The following JRKL variants were observed in gnomAD, a reference collection of about 807,000 sequenced individuals.
JRKL encodes the protein JRK like.
In JRKL, 25 loss-of-function variants were observed where a neutral mutation model predicts 34.7. The ratio of observed to expected loss-of-function variants is 0.72; its 90% CI spans 0.53 to 1.01. JRKL has a LOEUF of 1.01. Among genes scored for constraint, JRKL ranks in the 50% least tolerant of loss-of-function variants. JRKL has a pLI of 0.00. For missense variants in JRKL, 495 were observed against 615.7 expected (o/e 0.80, Z 2.07); for synonymous variants, 204 against 212.8 (o/e 0.96, Z 0.36).
chr11:96,392,506 C>A lies in JRKL; in HGVS notation c.*282C>A. 1 of 255,602 alleles carries A rather than the reference C, an allele frequency of 3.9e-6. No individual in the cohort carries two copies. Among genetic ancestry groups the A allele is most frequent in the Non-Finnish European group, 7.9e-6 (1 of 127,104 alleles). The allele number at this position is 255,602 out of a possible 1,614,324, so 15.8% of individuals were successfully genotyped here. A position where few individuals can be genotyped will look rare whatever the true frequency, so the allele number is the denominator to read the frequency against. ...TTATACCTTCTGTAACAGTGGCATTCCCTTAATTTTCTAGTGAAAGTTAGA... is the reference window on the plus strand; with the variant it reads ...TTATACCTTCTGTAACAGTGGCATTACCTTAATTTTCTAGTGAAAGTTAGA... On this transcript the variant is annotated 3_prime_UTR_variant, in exon 2 of 2. Coordinates refer to ENST00000332349, the MANE Select transcript of JRKL (RefSeq NM_001261833.2).
rs761418962 is a variant in JRKL, at chr11:96,390,632, G to A, written c.-18G>A. The A allele has an allele frequency of 3.9e-6, 6 of 1,553,194 alleles. No homozygotes were observed. In the Admixed American group the frequency reaches 8.4e-5, roughly 22 times the overall value. ...GATTGCTACATTGTGAGTGTGGGGT[G>A]AGTCCCAGAACCTCGCTATGTCAGG... On this transcript the variant is annotated 5_prime_UTR_variant, in exon 2 of 2. Coordinates refer to ENST00000332349, the MANE Select transcript of JRKL (RefSeq NM_001261833.2).
chr11:96,392,494 A>T lies in JRKL; in HGVS notation c.*270A>T, dbSNP rs1340389555. On this transcript the variant is annotated 3_prime_UTR_variant, in exon 2 of 2. Coordinates refer to ENST00000332349, the MANE Select transcript of JRKL (RefSeq NM_001261833.2). ...TAGAATCTGCAATTATACCTTCTGTAACAGTGGCATTCCCTTAATTTTCTA... is the reference window on the plus strand; with the variant it reads ...TAGAATCTGCAATTATACCTTCTGTTACAGTGGCATTCCCTTAATTTTCTA... The T allele has an allele frequency of 3.5e-6, 1 of 286,444 alleles. No homozygotes were observed. The highest frequency in any genetic ancestry group is 6.8e-6 in the Non-Finnish European group (1 of 147,746). 17.7% of individuals were successfully genotyped at this position (286,444 alleles called of 1,614,324 possible).
rs959055970 is a variant in JRKL at position 96,390,429 on chromosome 11, G to C, written c.-167-54G>C. 6.4e-6 allele frequency: 3 copies of C among 470,432 alleles called. No homozygotes were observed. The Admixed American group carries it at 1.2e-4, about 18-fold the overall frequency. 29.1% of individuals were successfully genotyped at this position (470,432 alleles called of 1,614,324 possible). ...GGGGCCTCCGCTACTGCCCGTATAAGTTAAAGAAAGGCCTGTTCTCTCAAA... is the reference window on the plus strand; with the variant it reads ...GGGGCCTCCGCTACTGCCCGTATAACTTAAAGAAAGGCCTGTTCTCTCAAA... On this transcript the variant is annotated intron_variant, in intron 1 of 1. Transcript: ENST00000332349.
chr11:96,393,362 G>A lies in JRKL; in HGVS notation c.*1138G>A, dbSNP rs974889491. The A allele has an allele frequency of 1.8e-5, 3 of 166,780 alleles. No individual in the cohort carries two copies. Among genetic ancestry groups the A allele is most frequent in the African/African-American group, 7.2e-5 (3 of 41,398 alleles). 10.3% of individuals were successfully genotyped at this position (166,780 alleles called of 1,614,324 possible). ...TATTATTTTAATACATATAAAAAGGGATTAATCTGCTAAAATGTAATCTAA... is the reference window on the plus strand; with the variant it reads ...TATTATTTTAATACATATAAAAAGGAATTAATCTGCTAAAATGTAATCTAA... On this transcript the variant is annotated 3_prime_UTR_variant, in exon 2 of 2. Coordinates refer to ENST00000332349, the MANE Select transcript of JRKL (RefSeq NM_001261833.2).
rs1866568497 is a variant in JRKL, at chr11:96,393,041, G to A, written c.*817G>A. On this transcript the variant is annotated 3_prime_UTR_variant, in exon 2 of 2. Coordinates refer to ENST00000332349, the MANE Select transcript of JRKL (RefSeq NM_001261833.2). ...TATTATTTATTCATCTAATTTTATA[G>A]TACAGGTTTTGTAATGTTACATGTG... 6.0e-6 allele frequency: 1 copy of A among 165,502 alleles called. No homozygotes were observed. Among genetic ancestry groups the A allele is most frequent in the Admixed American group, 6.6e-5 (1 of 15,190 alleles). The allele number at this position is 165,502 out of a possible 1,614,324, so 10.3% of individuals were successfully genotyped here. A position where few individuals can be genotyped will look rare whatever the true frequency, so the allele number is the denominator to read the frequency against.
rs564343449 is a variant in JRKL, at chr11:96,392,487, C to T, written c.*263C>T. The T allele has an allele frequency of 6.5e-6, 2 of 307,332 alleles. No individual in the cohort carries two copies. Among genetic ancestry groups the T allele is most frequent in the East Asian group, 6.4e-5 (1 of 15,660 alleles). 19.0% of individuals were successfully genotyped at this position (307,332 alleles called of 1,614,324 possible). On this transcript the variant is annotated 3_prime_UTR_variant, in exon 2 of 2. Transcript: ENST00000332349. The stretch of plus-strand genomic sequence containing the variant: ...CACTTTTTAGAATCTGCAATTATAC[C>T]TTCTGTAACAGTGGCATTCCCTTAA...
Position 96,392,202 on chromosome 11 carries a change from A to T in JRKL, c.1553A>T (p.Lys518Met), listed in dbSNP as rs781553218. 3 of 1,586,032 alleles carry T rather than the reference A, an allele frequency of 1.9e-6. No homozygotes were observed. The Admixed American group carries it at 5.5e-5, about 29-fold the overall frequency. The change falls in exon 2 of 2, where the codon AAG (lysine) becomes ATG (methionine). Residue 518 changes from lysine (K) to methionine (M), a missense_variant. Physicochemically the swap from Lys to Met is moderately conservative, Grantham distance 95. Coordinates refer to ENST00000332349, the MANE Select transcript of JRKL (RefSeq NM_001261833.2). ...KLRATIRNKQKMTKSSQ is the reference protein window; with the variant it reads ...KLRATIRNKQMMTKSSQ ...CGAGCCACCATCAGAAATAAACAGA[A>T]GATGACAAAGTCAAGTCAATAATGT... is the stretch of plus-strand genomic sequence containing the variant.
At position 96,391,756 on chromosome 11, in the gene JRKL, A is replaced by C; in HGVS notation, c.1107A>C (p.Ile369=). The C allele has an allele frequency of 6.2e-7, 1 of 1,614,210 alleles. No homozygotes were observed. Among genetic ancestry groups the C allele is most frequent in the Non-Finnish European group, 8.5e-7 (1 of 1,180,026 alleles). The change falls in exon 2 of 2, where the codon ATA becomes ATC. Residue 369 remains isoleucine (I), a synonymous_variant. Coordinates refer to ENST00000332349, the MANE Select transcript of JRKL (RefSeq NM_001261833.2). ...CTCTGTTGGATGCACTTTATGAAAT[A>C]GCAATGGCATGGAACTTAGTAAAAC... ...KLTLLDALYE[I]AMAWNLVKPV...
rs890386780 is a variant in JRKL at position 96,390,837 on chromosome 11, G to A, written c.188G>A (p.Ser63Asn). The change falls in exon 2 of 2, where the codon AGT becomes AAT. Residue 63 changes from serine (S) to asparagine (N), a missense_variant. Ser to Asn is a conservative substitution (Grantham distance 46). Transcript: ENST00000332349. ...ITYASSSDST[S>N]LLAKRKSMKP... is the part of the protein sequence containing the mutation. ...TATGCAAGCAGTTCTGATTCCACAA[G>A]TCTTTTGGCCAAGAGGAAATCTATG... The A allele has an allele frequency of 2.5e-6, 4 of 1,613,324 alleles. No homozygotes were observed. The highest frequency in any genetic ancestry group is 3.4e-6 in the Non-Finnish European group (4 of 1,179,882).
Position 96,391,641 on chromosome 11 carries a change from T to C in JRKL, c.992T>C (p.Ile331Thr), listed in dbSNP as rs755375539. 1.9e-6 allele frequency: 3 copies of C among 1,614,014 alleles called. No individual in the cohort carries two copies. Among genetic ancestry groups the C allele is most frequent in the Non-Finnish European group, 8.5e-7 (1 of 1,179,996 alleles). Reference protein sequence around the residue: ...SLIQPSDQGVIATMKRNYRAG... With the variant: ...SLIQPSDQGVTATMKRNYRAG... ...ATTCAGCCTTCAGATCAGGGAGTCA[T>C]AGCAACGATGAAGAGAAATTATCGT... is the stretch of plus-strand genomic sequence containing the variant. Residue 331 changes from isoleucine (I) to threonine (T), a missense_variant, in exon 2 of 2, where the codon ATA becomes ACA. Ile to Thr is a moderately conservative substitution (Grantham distance 89). Transcript: ENST00000332349.
In JRKL at chr11:96,391,734, T is replaced by G; in HGVS notation, c.1085T>G (p.Leu362Arg). The G allele has an allele frequency of 6.2e-7, 1 of 1,614,180 alleles. No homozygotes were observed. The highest frequency in any genetic ancestry group is 1.1e-5 in the South Asian group (1 of 91,088). Reference sequence around the variant, plus strand: ...AAATCATTCTGGAAGAAGCTAACTCTGTTGGATGCACTTTATGAAATAGCA... The same window carrying G: ...AAATCATTCTGGAAGAAGCTAACTCGGTTGGATGCACTTTATGAAATAGCA... ...DLKSFWKKLT[L>R]LDALYEIAMA... The change falls in exon 2 of 2, where the codon CTG (leucine) becomes CGG (arginine). Residue 362 changes from leucine to arginine, a missense_variant. Leu to Arg is a moderately radical substitution (Grantham distance 102). Transcript: ENST00000332349.
rs749401861 is a variant in JRKL at position 96,391,849 on chromosome 11, T to G, written c.1200T>G (p.Phe400Leu). Residue 400 changes from phenylalanine to leucine, a missense_variant, in exon 2 of 2, where the codon TTT becomes TTG. Coordinates refer to ENST00000332349, the MANE Select transcript of JRKL (RefSeq NM_001261833.2). ...TAGAGGAGAAAGAGAGCCTGGACTT[T>G]GATGTTGAAGATATTTCTGTGGCTA... ...PMVEEKESLD[F>L]DVEDISVATV... 1 of 1,614,184 alleles carries G rather than the reference T, an allele frequency of 6.2e-7. No homozygotes were observed. Among genetic ancestry groups the G allele is most frequent in the Non-Finnish European group, 8.5e-7 (1 of 1,180,032 alleles).
rs1866552817 is a variant in JRKL, at chr11:96,391,977, T to G, written c.1328T>G (p.Val443Gly). The G allele has an allele frequency of 3.1e-6, 5 of 1,613,914 alleles. No individual in the cohort carries two copies. Among genetic ancestry groups the G allele is most frequent in the African/African-American group, 1.3e-5 (1 of 74,900 alleles). The part of the protein sequence containing the change: ...EVDSTEPGYE[V>G]LTDSEIIRRA... ...GACAGTACTGAACCAGGCTATGAAG[T>G]GTTAACTGATAGCGAAATCATCAGA... is the stretch of plus-strand genomic sequence containing the variant. The change falls in exon 2 of 2, where the codon GTG (valine) becomes GGG (glycine). Residue 443 changes from valine to glycine, a missense_variant. By Grantham distance (109) the Val-to-Gly change is moderately radical (BLOSUM62 -3). Transcript: ENST00000332349.
chr11:96,390,710 A>C lies in JRKL; in HGVS notation c.61A>C (p.Lys21Gln). 1 of 1,607,038 alleles carries C rather than the reference A, an allele frequency of 6.2e-7. No individual in the cohort carries two copies. The highest frequency in any genetic ancestry group is 8.5e-7 in the Non-Finnish European group (1 of 1,178,192). The stretch of plus-strand genomic sequence containing the variant: ...TAAAGATAAGCTTGATATAATAAAG[A>C]AACTTGAAGACGGAGGTTCTTCCAA... ...TIKDKLDIIK[K>Q]LEDGGSSKQL... The change falls in exon 2 of 2, where the codon AAA becomes CAA. Residue 21 changes from lysine (K) to glutamine (Q), a missense_variant. Transcript: ENST00000332349.
In JRKL at chr11:96,391,832, A is replaced by G. The variant is rs1242475309; in HGVS notation, c.1183A>G (p.Lys395Glu). Reference sequence around the variant, plus strand: ...GAAGATTCTCCCTATGGTAGAGGAGAAAGAGAGCCTGGACTTTGATGTTGA... The same window carrying G: ...GAAGATTCTCCCTATGGTAGAGGAGGAAGAGAGCCTGGACTTTGATGTTGA... ...WKKILPMVEE[K>E]ESLDFDVEDI... The change falls in exon 2 of 2, where the codon AAA becomes GAA. Residue 395 changes from lysine (K) to glutamate (E), a missense_variant. Lys to Glu is a moderately conservative substitution (Grantham distance 56). Coordinates refer to ENST00000332349, the MANE Select transcript of JRKL (RefSeq NM_001261833.2). 6.2e-7 allele frequency: 1 copy of G among 1,614,172 alleles called. No individual in the cohort carries two copies. Among genetic ancestry groups the G allele is most frequent in the Admixed American group, 1.7e-5 (1 of 60,024 alleles).
Position 96,390,937 on chromosome 11 carries a change from C to T in JRKL, c.288C>T (p.Pro96=), listed in dbSNP as rs1866515346. The change falls in exon 2 of 2, where the codon CCC becomes CCT. Residue 96 remains proline, a synonymous_variant. Transcript: ENST00000332349. ...ACCAGCAAAGAGCAAAAGGGAATCC[C>T]ATATCTGGACCAATTTGTGCAAAAA... ...WFNQQRAKGN[P]ISGPICAKRA... is the part of the protein sequence containing the mutation. The T allele has an allele frequency of 6.2e-7, 1 of 1,614,174 alleles. No homozygotes were observed. The highest frequency in any genetic ancestry group is 1.3e-5 in the African/African-American group (1 of 75,034).
chr11:96,391,021 T>C lies in JRKL; in HGVS notation c.372T>C (p.Gly124=). The stretch of plus-strand genomic sequence containing the variant: ...ATGGTGATTTTAACCCCTCTGCCGG[T>C]TGGCTAACTCGTTTTAAGCAGCGGC... ...GMDGDFNPSA[G]WLTRFKQRHS... Residue 124 remains glycine, a synonymous_variant, in exon 2 of 2, where the codon GGT becomes GGC. Transcript: ENST00000332349. The C allele has an allele frequency of 6.2e-7, 1 of 1,614,234 alleles. No homozygotes were observed. Among genetic ancestry groups the C allele is most frequent in the East Asian group, 2.2e-5 (1 of 44,888 alleles).
chr11:96,391,403 CA>C lies in JRKL; in HGVS notation c.759del (p.Gly254ValfsTer25). ...TLNLPVSYFS[Q>X]KGAWMDLSIF... ...AAACCTGCCAGTCTCTTATTTCAGC[CA>C]AAAAGGTGCATGGATGGATCTTTCC... On this transcript the variant is annotated frameshift_variant, in exon 2 of 2. Transcript: ENST00000332349. LOFTEE classifies it high-confidence loss of function. 6.4e-7 allele frequency: 1 copy of C among 1,551,574 alleles called. No individual in the cohort carries two copies. The highest frequency in any genetic ancestry group is 2.4e-5 in the East Asian group (1 of 40,918).
At position 96,391,539 on chromosome 11, in the gene JRKL, A is replaced by T. The variant is rs1156544629; in HGVS notation, c.890A>T (p.His297Leu). 6.4e-7 allele frequency: 1 copy of T among 1,557,680 alleles called. No homozygotes were observed. The highest frequency in any genetic ancestry group is 1.4e-5 in the African/African-American group (1 of 73,120). Residue 297 changes from histidine to leucine, a missense_variant, in exon 2 of 2, where the codon CAT becomes CTT. Physicochemically the swap from His to Leu is moderately conservative, Grantham distance 99 (BLOSUM62 -3). Transcript: ENST00000332349. ...CTCTTGTTGGATAATTCACCAACAC[A>T]TCCAAATGAAAATGTCCTAAGGTCA... The part of the protein sequence containing the change: ...AVLLLDNSPT[H>L]PNENVLRSDD...
Sources: gnomAD v4.1 joint callset for allele counts on GRCh38, gnomAD v4.1.1 for gene constraint, MANE v1.5 for transcripts, NCBI Gene and HGNC (gene_info 2026-07-23, HGNC 2026-07-21) for gene names.